ALDH1A2: variants seen among roughly 807,000 people sequenced by gnomAD.
The protein encoded by ALDH1A2 is aldehyde dehydrogenase 1 family member A2.
A neutral mutation model predicts 60.3 loss-of-function variants in ALDH1A2; 27 were observed. The ratio of observed to expected loss-of-function variants is 0.45; its 90% CI spans 0.33 to 0.62. ALDH1A2 has a LOEUF of 0.62. ALDH1A2 is among the 20% of genes least tolerant of loss of function. ALDH1A2 has a pLI of 0.02. For missense variants in ALDH1A2, 581 were observed against 643.8 expected (o/e 0.90, Z 1.06); for synonymous variants, 289 against 232.4 (o/e 1.24, Z -2.21).
At chr15:58,010,009 T>C (rs1392199875) in intron 4 of ALDH1A2, among the ~76,000 whole-genome samples, 2 of 152,104 alleles carry the variant, frequency 1.3e-5, no homozygotes, top group African/African-American at 2.4e-5. Flanking sequence ...AGTACACAAC[T>C]TAGCACCCAA....
intron 1 of ALDH1A2, among the ~76,000 whole-genome samples, chr15:58,048,481 A>T (rs1896690400): frequency 6.6e-6 from 1 of 152,116 alleles, no homozygotes; most frequent in Non-Finnish European, 1.5e-5. Context: ...TCCCCAGAGG[A>T]CAGTTTGGTC....
chr15:58,006,622 C>T (rs1895466671), intron 4 of ALDH1A2, among the ~76,000 whole-genome samples: 2 of 151,810 alleles, frequency 1.3e-5, no homozygotes, highest in Admixed American at 1.3e-4. Context: ...TACTAGTTTA[C>T]ATTCCCAACC....
intron 12 of ALDH1A2, among the ~76,000 whole-genome samples, chr15:57,958,739 A>C (rs578134199): frequency 2.0e-5 from 3 of 152,216 alleles, no homozygotes; most frequent in African/African-American, 7.2e-5. Context: ...ACCAAGACAG[A>C]GCAGCTTCTT....
intron 7 of ALDH1A2, among the ~76,000 whole-genome samples, chr15:57,975,253 G>A (rs141979638): frequency 4.3e-4 from 66 of 152,320 alleles, no homozygotes; most frequent in Non-Finnish European, 8.4e-4. Flanking sequence ...GTACATGAAT[G>A]TTCATAGAAG....
At chr15:58,032,888 G>A (rs1566955413) in intron 1 of ALDH1A2, among the ~76,000 whole-genome samples, 1 of 151,910 alleles carries the variant, frequency 6.6e-6, no homozygotes, top group Non-Finnish European at 1.5e-5. Context: ...ACGTAGATGG[G>A]ACTGGAAGTC....
intron 4 of ALDH1A2, among the ~76,000 whole-genome samples, chr15:58,001,487 G>T (rs887027131): frequency 6.6e-6 from 1 of 151,910 alleles, no homozygotes; most frequent in Non-Finnish European, 1.5e-5. Context: ...TGGAATAGGT[G>T]AGCCCAGGAC....
At chr15:57,972,425 G>A (rs1357956395) in intron 7 of ALDH1A2, among the ~76,000 whole-genome samples, 1 of 152,138 alleles carries the variant, frequency 6.6e-6, no homozygotes, top group Non-Finnish European at 1.5e-5. Flanking sequence ...TAAAAATCAA[G>A]GTTTTGATTG....
At chr15:58,035,279 G>A (rs968027647) in intron 1 of ALDH1A2, among the ~76,000 whole-genome samples, 2 of 151,492 alleles carry the variant, frequency 1.3e-5, no homozygotes, top group Non-Finnish European at 3.0e-5. Context: ...TACTGTCCGT[G>A]GCAGTAGTAG....
intron 7 of ALDH1A2, chr15:57,979,864 A>AGCTGG: frequency 3.1e-6 from 1 of 322,400 alleles, no homozygotes; most frequent in Admixed American, 3.2e-5. Flanking sequence ...CAGGCCAAAG[A>AGCTGG]CCTGGCTACT....
chr15:57,970,031 C>T (rs1459952114), intron 7 of ALDH1A2, among the ~76,000 whole-genome samples: 2 of 152,214 alleles, frequency 1.3e-5, no homozygotes, highest in African/African-American at 4.8e-5. Context: ...ACAAATCTCT[C>T]CCTTAGTACT....
rs7165011 is a variant in ALDH1A2, at chr15:57,968,684, A to C, written c.799-2857T>G. 2.4e-3 allele frequency among the ~76,000 whole-genome samples: 361 copies of C among 152,372 alleles called. 1 individual carries two copies. The highest frequency in any genetic ancestry group is 8.4e-3 in the African/African-American group (348 of 41,588). The stretch of plus-strand genomic sequence containing the variant: ...ATTCAAGAAACAAGCAAAAGCCAGG[A>C]AAAATCATGAGTTTTACACATAGTA... On this transcript the variant is annotated intron_variant, in intron 7 of 12. Transcript: ENST00000249750.
intron 1 of ALDH1A2, among the ~76,000 whole-genome samples, chr15:58,042,884 T>C (rs1482460676): frequency 6.6e-6 from 1 of 151,992 alleles, no homozygotes; most frequent in Non-Finnish European, 1.5e-5. Flanking sequence ...ACTTGAAGTC[T>C]GAAAGGCCAA....
chr15:58,054,271 G>T (rs371226544), intron 1 of ALDH1A2, among the ~76,000 whole-genome samples: 1 of 152,168 alleles, frequency 6.6e-6, no homozygotes, highest in African/African-American at 2.4e-5. Flanking sequence ...CATAAGTTTG[G>T]TAAGTAAAAA....
At chr15:58,023,445 A>C (rs1461243670) in intron 1 of ALDH1A2, among the ~76,000 whole-genome samples, 2 of 152,222 alleles carry the variant, frequency 1.3e-5, no homozygotes, top group African/African-American at 4.8e-5. Context: ...CAGGATGCTT[A>C]ATGATTCTCA....
At chr15:58,016,996 T>C (rs1380347478) in intron 1 of ALDH1A2, among the ~76,000 whole-genome samples, 4 of 152,162 alleles carry the variant, frequency 2.6e-5, no homozygotes, top group Non-Finnish European at 4.4e-5. Context: ...TTCACAATAA[T>C]TAGATGAATG....
intron 4 of ALDH1A2, among the ~76,000 whole-genome samples, chr15:58,001,487 G>A (rs887027131): frequency 2.0e-5 from 3 of 151,910 alleles, no homozygotes; most frequent in Non-Finnish European, 4.4e-5. Flanking sequence ...TGGAATAGGT[G>A]AGCCCAGGAC....
intron 1 of ALDH1A2, among the ~76,000 whole-genome samples, chr15:58,024,405 C>A (rs1372305920): frequency 2.0e-5 from 3 of 152,086 alleles, no homozygotes; most frequent in African/African-American, 7.2e-5. Flanking sequence ...ATTCCACTCA[C>A]ATGGAAACCA....
At chr15:58,065,494 G>C in intron 1 of ALDH1A2, 40 bp downstream of exon 1, 5 of 1,528,814 alleles carry the variant, frequency 3.3e-6, no homozygotes, top group East Asian at 2.2e-5. Context: ...GAAGGTTCTA[G>C]AAAGTCTCCG....
chr15:57,998,227 AG>A (rs1457770308), intron 4 of ALDH1A2, among the ~76,000 whole-genome samples: 10 of 152,110 alleles, frequency 6.6e-5, no homozygotes, highest in Non-Finnish European at 1.3e-4. Context: ...AAAGAAATAA[AG>A]GGCATTCAAA....
Sources: gnomAD v4.1 joint callset for allele counts (sites outside exome capture counted in the v4.1 genomes callset) on GRCh38, gnomAD v4.1.1 for gene constraint, MANE v1.5 for transcripts, NCBI Gene and HGNC (gene_info 2026-07-23, HGNC 2026-07-21) for gene names.